Variants in INTS1 observed in about 807,000 individuals in gnomAD.
INTS1 encodes integrator complex subunit 1.
Under a neutral mutation model 241.6 loss-of-function variants are expected in INTS1, and 137 were observed. The ratio of observed to expected loss-of-function variants is 0.57; its 90% CI spans 0.49 to 0.65. INTS1 has a LOEUF of 0.65. Ranked by LOEUF, INTS1 falls within the 30% of genes least tolerant of loss-of-function variation. The probability of loss-of-function intolerance (pLI) is 0.00; values close to 1 mark genes in which losing one functional copy is unlikely to be tolerated. For missense variants in INTS1, 3,073 were observed against 3,032.2 expected (o/e 1.01, Z -0.32); for synonymous variants, 1,692 against 1,337.8 (o/e 1.26, Z -5.78).
In INTS1 at chr7:1,473,611, G is replaced by A. The variant is rs562317954; in HGVS notation, c.5912C>T (p.Ala1971Val). The A allele has an allele frequency of 3.1e-6, 5 of 1,611,772 alleles. No homozygotes were observed. In the South Asian group the frequency reaches 4.4e-5, roughly 14 times the overall value. ...QFIHKYITYN[A>V]PAAISFLQKH... ...CTGCAGGAAGGAGATGGCTGCTGGG[G>A]CATTGTAGGTAATGTACTTATGGAT... Residue 1971 changes from alanine (A) to valine (V), a missense_variant, in exon 42 of 48, where the codon GCC becomes GTC. Transcript: ENST00000404767.
At position 1,476,603 on chromosome 7, in the gene INTS1, G is replaced by A; in HGVS notation, c.5118C>T (p.Arg1706=). Reference sequence around the variant, plus strand: ...TGCGCTGGTCCCGCCCCTGCCAGATGCGAGGAACATGGATGCAGGCCCAGA... The same window carrying A: ...TGCGCTGGTCCCGCCCCTGCCAGATACGAGGAACATGGATGCAGGCCCAGA... The part of the protein sequence containing the change: ...DFLWACIHVP[R]IWQGRDQRTP... Residue 1706 remains arginine, a synonymous_variant, in exon 37 of 48, where the codon CGC becomes CGT. Transcript: ENST00000404767. 6.2e-7 allele frequency: 1 copy of A among 1,612,126 alleles called. No individual in the cohort carries two copies. The highest frequency in any genetic ancestry group is 8.5e-7 in the Non-Finnish European group (1 of 1,179,712).
Position 1,493,611 on chromosome 7 carries a change from G to C in INTS1, c.2068+143C>G. Reference sequence around the variant, plus strand: ...CCCAACGGCAGATGTGGAGAAGGCAGGTCCCCGAGCCTCCCGGGGACCCAG... The same window carrying C: ...CCCAACGGCAGATGTGGAGAAGGCACGTCCCCGAGCCTCCCGGGGACCCAG... On this transcript the variant is annotated intron_variant, in intron 15 of 47. Transcript: ENST00000404767. This position sits in a 1 kb window ranked among gnomAD's most constrained non-coding sequence, Gnocchi z 5.3. 1 of 1,015,170 alleles carries C rather than the reference G, an allele frequency of 9.9e-7. No homozygotes were observed. Among genetic ancestry groups the C allele is most frequent in the Middle Eastern group, 3.3e-4 (1 of 3,058 alleles). The allele number at this position is 1,015,170 out of a possible 1,614,324, so 62.9% of individuals were successfully genotyped here. A position where few individuals can be genotyped will look rare whatever the true frequency, so the allele number is the denominator to read the frequency against.
In INTS1 at chr7:1,499,254, C is replaced by A; in HGVS notation, c.950+1G>T. 1.2e-6 allele frequency: 2 copies of A among 1,609,638 alleles called. No homozygotes were observed. The highest frequency in any genetic ancestry group is 1.1e-5 in the South Asian group (1 of 90,918). On this transcript the variant is annotated splice_donor_variant, in intron 7 of 47. Transcript: ENST00000404767. LOFTEE classifies it high-confidence loss of function. The stretch of plus-strand genomic sequence containing the variant: ...CTGGGACCGGGCAGGCACGCAGCTA[C>A]CTGGGCATGAGCTGGCCCTCCTGCT...
Position 1,477,956 on chromosome 7 carries a change from A to C in INTS1, c.4631-20T>G. 6.2e-7 allele frequency: 1 copy of C among 1,609,742 alleles called. No homozygotes were observed. Among genetic ancestry groups the C allele is most frequent in the Non-Finnish European group, 8.5e-7 (1 of 1,177,634 alleles). On this transcript the variant is annotated intron_variant, in intron 33 of 47. Coordinates refer to ENST00000404767, the MANE Select transcript of INTS1 (RefSeq NM_001080453.3). ...GGAGGACTGCGCAAGGGACAAAGAG[A>C]CATGTGGGTCACTCCCAGGTCGGGT...
chr7:1,501,736 G>C (rs889413058), intron 3 of INTS1, among the ~76,000 whole-genome samples: 1 of 152,078 alleles, frequency 6.6e-6, no homozygotes, highest in African/African-American at 2.4e-5. Flanking sequence ...TCTGAGGCTC[G>C]ACCTCCTAAA....
At chr7:1,472,413 A>T in intron 43 of INTS1, 27 bp from the exon 44 acceptor site, 1 of 1,481,974 alleles carries the variant, frequency 6.7e-7, no homozygotes, top group Non-Finnish European at 9.1e-7. Context: ...GTGCTGCAGG[A>T]GGGCGGGAGC....
At chr7:1,495,940 G>A (rs532678419) in intron 12 of INTS1, among the ~76,000 whole-genome samples, 1 of 152,156 alleles carries the variant, frequency 6.6e-6, no homozygotes, top group South Asian at 2.1e-4. Context: ...CACAAAGGAC[G>A]CTCATGGGAA....
At position 1,486,757 on chromosome 7, in the gene INTS1, C is replaced by T; in HGVS notation, c.2844G>A (p.Arg948=). Residue 948 remains arginine (R), a synonymous_variant, in exon 22 of 48, where the codon CGG becomes CGA. Transcript: ENST00000404767. ...GGTCCTGCAGGCGGCCCAGCAGCTG[C>T]CGCTGCTTCTGTTGCCTCTGCAGGG... ...AKKRQRQQKQ[R]QLLGRLQDLL... is the part of the protein sequence containing the mutation. 1 of 1,612,348 alleles carries T rather than the reference C, an allele frequency of 6.2e-7. No homozygotes were observed. The highest frequency in any genetic ancestry group is 8.5e-7 in the Non-Finnish European group (1 of 1,179,724).
rs768744189 is a variant in INTS1 at position 1,497,339 on chromosome 7, G to C, written c.1426-25C>G. 32 of 1,601,346 alleles carry C rather than the reference G, an allele frequency of 2.0e-5. No individual in the cohort carries two copies. Among genetic ancestry groups the C allele is most frequent in the Non-Finnish European group, 2.6e-5 (30 of 1,174,134 alleles). On this transcript the variant is annotated intron_variant, in intron 10 of 47. Coordinates refer to ENST00000404767, the MANE Select transcript of INTS1 (RefSeq NM_001080453.3). This position sits in a 1 kb window ranked among gnomAD's most constrained non-coding sequence, Gnocchi z 5.3. ...ACTGGGGCAGAGAGAGGCCGCGTGG[G>C]AGGCTGCCCGACAGTGCTGTCCCTG...
Position 1,478,372 on chromosome 7 carries a change from T to G in INTS1, c.4624A>C (p.Ser1542Arg), listed in dbSNP as rs1173409741. The G allele has an allele frequency of 6.2e-7, 1 of 1,612,288 alleles. No individual in the cohort carries two copies. The highest frequency in any genetic ancestry group is 1.1e-5 in the South Asian group (1 of 91,070). ...GATGGTGCCAGGAAGGTACCTTTGC[T>G]GATCAGGTCCGGCTCCACGCTGCAC... ...EQCSVEPDLI[S>R]KVLQGLIEVR... Residue 1542 changes from serine (S) to arginine (R), a missense_variant, in exon 33 of 48, where the codon AGC becomes CGC. Coordinates refer to ENST00000404767, the MANE Select transcript of INTS1 (RefSeq NM_001080453.3).
chr7:1,499,524 T>C lies in INTS1; in HGVS notation c.793A>G (p.Ser265Gly). Reference protein sequence around the residue: ...TAFNTRMPPRSVLLQGEAGRV... With the variant: ...TAFNTRMPPRGVLLQGEAGRV... ...CCCGCCTCCCCCTGCAGCAGCACGCTCCTGGGGGGCATTCTGGTGTTGAAG... is the reference window on the plus strand; with the variant it reads ...CCCGCCTCCCCCTGCAGCAGCACGCCCCTGGGGGGCATTCTGGTGTTGAAG... The change falls in exon 6 of 48, where the codon AGC (serine) becomes GGC (glycine). Residue 265 changes from serine to glycine, a missense_variant. By Grantham distance (56) the Ser-to-Gly change is moderately conservative (BLOSUM62 0). Transcript: ENST00000404767. 6.2e-7 allele frequency: 1 copy of C among 1,612,478 alleles called. No individual in the cohort carries two copies. Among genetic ancestry groups the C allele is most frequent in the Non-Finnish European group, 8.5e-7 (1 of 1,179,390 alleles).
At position 1,472,631 on chromosome 7, in the gene INTS1, A is replaced by G. The variant is rs566637254; in HGVS notation, c.6071-245T>C. Among the ~76,000 whole-genome samples, 28 of 152,286 alleles carry G rather than the reference A, an allele frequency of 1.8e-4. No homozygotes were observed. In the East Asian group the frequency reaches 5.2e-3, roughly 28 times the overall value. Reference sequence around the variant, plus strand: ...CAATGTGGGCCAGGACCCACTGGGCACAAGACGGGATGGCCCCTTGGGACC... The same window carrying G: ...CAATGTGGGCCAGGACCCACTGGGCGCAAGACGGGATGGCCCCTTGGGACC... On this transcript the variant is annotated intron_variant, in intron 43 of 47. Transcript: ENST00000404767.
At position 1,498,958 on chromosome 7, in the gene INTS1, C is replaced by CG; in HGVS notation, c.1137+16_1137+17insC. On this transcript the variant is annotated intron_variant, in intron 8 of 47. Transcript: ENST00000404767. Reference sequence around the variant, plus strand: ...CCCACCCCCTGCCCCGCCCACCCCCCCGGGGCGCCCCCGCACCTTGGGGTT... The same window carrying CG: ...CCCACCCCCTGCCCCGCCCACCCCCCGCGGGGCGCCCCCGCACCTTGGGGTT... The CG allele has an allele frequency of 6.7e-7, 1 of 1,488,734 alleles. No homozygotes were observed. The highest frequency in any genetic ancestry group is 9.0e-7 in the Non-Finnish European group (1 of 1,109,502). The allele number at this position is 1,488,734 out of a possible 1,614,324, so 92.2% of individuals were successfully genotyped here.
intron 21 of INTS1, 63 bp from the exon 22 acceptor site, chr7:1,486,837 G>A: frequency 1.9e-6 from 3 of 1,598,502 alleles, no homozygotes; most frequent in Non-Finnish European, 2.6e-6. Context: ...GACGTGGGGT[G>A]CGCGGCTGGT....
Position 1,496,170 on chromosome 7 carries a change from T to C in INTS1, c.1697A>G (p.Lys566Arg). ...QVKEAGIAWD[K>R]GEKRNLEVLR... ...CACATCCTTACTCCTCTTTTCTCCT[T>C]TGTCCCAGGCGATGCCGGCCTCCTT... Residue 566 changes from lysine to arginine, a missense_variant, in exon 12 of 48, where the codon AAA becomes AGA. Physicochemically the swap from Lys to Arg is conservative, Grantham distance 26. Coordinates refer to ENST00000404767, the MANE Select transcript of INTS1 (RefSeq NM_001080453.3). The C allele has an allele frequency of 6.2e-7, 1 of 1,613,692 alleles. No homozygotes were observed. The highest frequency in any genetic ancestry group is 8.5e-7 in the Non-Finnish European group (1 of 1,179,716).
At chr7:1,482,514 C>T (rs754588773) in intron 27 of INTS1, 32 bp downstream of exon 27, 9 of 1,565,830 alleles carry the variant, frequency 5.7e-6, no homozygotes, top group Non-Finnish European at 7.8e-6. Flanking sequence ...CCTGAGTCAG[C>T]AGCCCCTGCC....
At position 1,478,466 on chromosome 7, in the gene INTS1, G is replaced by A; in HGVS notation, c.4530C>T (p.Phe1510=). 6.2e-7 allele frequency: 1 copy of A among 1,612,254 alleles called. No individual in the cohort carries two copies. The highest frequency in any genetic ancestry group is 8.5e-7 in the Non-Finnish European group (1 of 1,179,724). ...GLLRLAEALA[F]RQDLEVVSST... ...AGCTGACCACCTCCAGGTCCTGACG[G>A]AAGGCCAGGGCCTCGGCCAGGCGCA... The change falls in exon 33 of 48, where the codon TTC becomes TTT. Residue 1510 remains phenylalanine, a synonymous_variant. Coordinates refer to ENST00000404767, the MANE Select transcript of INTS1 (RefSeq NM_001080453.3).
intron 37 of INTS1, 26 bp downstream of exon 37, chr7:1,476,544 G>C: frequency 1.2e-6 from 2 of 1,610,460 alleles, no homozygotes; most frequent in Non-Finnish European, 1.7e-6. Context: ...CCCCTCTCCC[G>C]GATGGGCCAC....
intron 3 of INTS1, among the ~76,000 whole-genome samples, chr7:1,501,481 G>C (rs1783179023): frequency 6.6e-6 from 1 of 152,010 alleles, no homozygotes; most frequent in Non-Finnish European, 1.5e-5. Flanking sequence ...ACCACAAATG[G>C]CTGGATGCAG....
Sources: allele counts gnomAD v4.1 joint callset (sites outside exome capture counted in the v4.1 genomes callset), GRCh38; gene constraint gnomAD v4.1.1; non-coding constraint Gnocchi (gnomAD v3.1); transcripts MANE v1.5; gene names NCBI Gene and HGNC (gene_info 2026-07-23, HGNC 2026-07-21).